Variants in SAMD5 observed in about 807,000 individuals in gnomAD.
SAMD5 encodes sterile alpha motif domain containing 5.
In SAMD5, 13 loss-of-function variants were observed where a neutral mutation model predicts 11.3. That is an observed-to-expected ratio of 1.15 (90% CI 0.75 to 1.83). SAMD5 has a LOEUF of 1.83. SAMD5 is among the 40% of genes most tolerant of loss of function. The pLI is 0.00. For synonymous variants in SAMD5, 129 were observed against 111.3 expected (o/e 1.16, Z -1.00); for missense variants, 255 against 239.1 (o/e 1.07, Z -0.44).
At chr6:147,588,682 CTG>C (rs1231171536) in intron 1 of SAMD5, among the ~76,000 whole-genome samples, 3 of 151,924 alleles carry the variant, frequency 2.0e-5, no homozygotes, top group Non-Finnish European at 1.5e-5. Context: ...TTTTTTTACT[CTG>C]TGATGCAATT....
chr6:147,873,518 G>A, the SAMD5 span, among the ~76,000 whole-genome samples: 1 of 152,020 alleles, frequency 6.6e-6, no homozygotes, highest in Non-Finnish European at 1.5e-5. Context: ...TATAGAAAGA[G>A]GAAAAAGAGT....
At chr6:147,706,620 A>G (rs1203533353) in intron 1 of SAMD5, among the ~76,000 whole-genome samples, 1 of 152,330 alleles carries the variant, frequency 6.6e-6, no homozygotes, top group East Asian at 1.9e-4. Context: ...TATTCTAAAC[A>G]TGGATTGAAA....
At chr6:147,884,725 T>C in the SAMD5 span, among the ~76,000 whole-genome samples, 1 of 152,224 alleles carries the variant, frequency 6.6e-6, no homozygotes, top group Non-Finnish European at 1.5e-5. Context: ...AATTATTTTA[T>C]ATTAGATGTG....
At chr6:147,857,031 G>T in the SAMD5 span, among the ~76,000 whole-genome samples, 2 of 151,730 alleles carry the variant, frequency 1.3e-5, no homozygotes, top group African/African-American at 4.9e-5. Flanking sequence ...GGTGCCAATG[G>T]ATGCCATCTA....
At chr6:147,789,577 T>C in the SAMD5 span, among the ~76,000 whole-genome samples, 1 of 152,206 alleles carries the variant, frequency 6.6e-6, no homozygotes, top group African/African-American at 2.4e-5. Flanking sequence ...ATATCTTACA[T>C]GTCTTGGCAC....
In SAMD5 at chr6:147,567,329, C is replaced by A; in HGVS notation, c.*2873C>A. The A allele has an allele frequency of 1.0e-6, 1 of 985,238 alleles. No individual in the cohort carries two copies. The highest frequency in any genetic ancestry group is 1.2e-6 in the Non-Finnish European group (1 of 829,766). The allele number at this position is 985,238 out of a possible 1,614,324, so 61.0% of individuals were successfully genotyped here. On this transcript the variant is annotated 3_prime_UTR_variant, in exon 2 of 2. Transcript: ENST00000367474. ...CTCAGTTCAGAGATATTTATAGCAT[C>A]TTGGTGTTATGCAATAAACAATGAC...
chr6:147,754,816 CA>C, the SAMD5 span, among the ~76,000 whole-genome samples: 1 of 152,022 alleles, frequency 6.6e-6, no homozygotes, highest in Non-Finnish European at 1.5e-5. Context: ...ATTGATGAGA[CA>C]GTCTTTTCCC....
chr6:147,590,936 T>C (rs1789443369), intron 1 of SAMD5, among the ~76,000 whole-genome samples: 2 of 152,226 alleles, frequency 1.3e-5, no homozygotes, highest in Admixed American at 1.3e-4. Context: ...CATTGGATGT[T>C]ATTTATCTTT....
the SAMD5 span, among the ~76,000 whole-genome samples, chr6:147,879,870 C>T: frequency 1.2e-4 from 18 of 152,258 alleles, no homozygotes; most frequent in East Asian, 1.9e-4. Flanking sequence ...GACACCTAGA[C>T]GTGGTTTCTT....
At chr6:147,724,543 A>G (rs1405737422) in intron 1 of SAMD5, among the ~76,000 whole-genome samples, 3 of 152,174 alleles carry the variant, frequency 2.0e-5, no homozygotes, top group Non-Finnish European at 4.4e-5. Context: ...CTATTGAACT[A>G]TCTTTCTTGC....
intron 1 of SAMD5, among the ~76,000 whole-genome samples, chr6:147,655,305 T>A (rs1790549694): frequency 6.6e-6 from 1 of 152,198 alleles, no homozygotes; most frequent in African/African-American, 2.4e-5. Context: ...TTTTGTACTA[T>A]CTTGCTATGT....
At chr6:147,883,048 T>G in the SAMD5 span, among the ~76,000 whole-genome samples, 1 of 152,216 alleles carries the variant, frequency 6.6e-6, no homozygotes, top group African/African-American at 2.4e-5. Flanking sequence ...GAAGAAGCAA[T>G]TGCTTCCGAG....
intron 1 of SAMD5, among the ~76,000 whole-genome samples, chr6:147,544,336 A>G (rs1282584056): frequency 6.6e-6 from 1 of 152,228 alleles, no homozygotes; most frequent in Non-Finnish European, 1.5e-5. Context: ...ATAAATTTAT[A>G]TGTGTAGCAA....
intron 1 of SAMD5, among the ~76,000 whole-genome samples, chr6:147,620,639 G>T (rs1283616435): frequency 6.6e-6 from 1 of 152,206 alleles, no homozygotes; most frequent in African/African-American, 2.4e-5. Context: ...TTTCGTGAAG[G>T]ATACTGTGTT....
At chr6:147,509,885 T>TA (rs939705369) in intron 1 of SAMD5, among the ~76,000 whole-genome samples, 15 of 152,182 alleles carry the variant, frequency 9.9e-5, no homozygotes, top group African/African-American at 3.4e-4. Context: ...CTCAATTCCA[T>TA]AAAAAATCCC....
At chr6:147,555,580 A>G (rs985228813) in intron 1 of SAMD5, among the ~76,000 whole-genome samples, 4 of 152,212 alleles carry the variant, frequency 2.6e-5, no homozygotes, top group Non-Finnish European at 5.9e-5. Context: ...AATTTTTAAA[A>G]TATATTGAAT....
At chr6:147,714,165 G>A (rs1791435461) in intron 1 of SAMD5, among the ~76,000 whole-genome samples, 1 of 152,170 alleles carries the variant, frequency 6.6e-6, no homozygotes, top group South Asian at 2.1e-4. Flanking sequence ...CTCACTAGGA[G>A]CCAATTGACA....
At chr6:147,534,730 G>A (rs1045661488) in intron 1 of SAMD5, among the ~76,000 whole-genome samples, 1 of 152,142 alleles carries the variant, frequency 6.6e-6, no homozygotes, top group African/African-American at 2.4e-5. Flanking sequence ...GATCCATCAA[G>A]GGCAGGCAAA....
intron 1 of SAMD5, among the ~76,000 whole-genome samples, chr6:147,531,464 G>A (rs1389805702): frequency 2.0e-5 from 3 of 152,224 alleles, no homozygotes; most frequent in African/African-American, 7.2e-5. Context: ...TGTGAAGGCA[G>A]GCCCATGCCT....
Sources: allele counts gnomAD v4.1 joint callset (sites outside exome capture counted in the v4.1 genomes callset), GRCh38; gene constraint gnomAD v4.1.1; transcripts MANE v1.5; gene names NCBI Gene and HGNC (gene_info 2026-07-23, HGNC 2026-07-21).